The following RBM33 variants were observed in gnomAD, a reference collection of about 807,000 sequenced individuals.
RBM33 encodes the protein RNA-binding protein 33.
In RBM33, 28 loss-of-function variants were observed where a neutral mutation model predicts 132.6. The observed-to-expected ratio is 0.21, with a 90% CI of 0.16 to 0.29. The LOEUF is 0.29. Ranked by LOEUF, RBM33 falls within the 10% of genes least tolerant of loss-of-function variation. RBM33 has a pLI of 1.00. For synonymous variants in RBM33, 634 were observed against 593.0 expected (o/e 1.07, Z -1.01); for missense variants, 1,291 against 1,518.5 (o/e 0.85, Z 2.49).
chr7:155,742,028 A>G lies in RBM33; in HGVS notation c.2259A>G (p.Ser753=). 1 of 1,614,000 alleles carries G rather than the reference A, an allele frequency of 6.2e-7. No homozygotes were observed. Among genetic ancestry groups the G allele is most frequent in the Non-Finnish European group, 8.5e-7 (1 of 1,179,892 alleles). ...GGGCCGTGGCGGGTTCCAGAAGCTC[A>G]CAGGGAAAGACGGAAGTGAAAGTCA... ...PSRAVAGSRS[S]QGKTEVKVKP... Residue 753 remains serine (S), a synonymous_variant, in exon 13 of 18, where the codon TCA becomes TCG. Coordinates refer to ENST00000401878, the MANE Select transcript of RBM33 (RefSeq NM_053043.3).
At position 155,739,843 on chromosome 7, in the gene RBM33, A is replaced by T; in HGVS notation, c.1866A>T (p.Pro622=). 3.7e-6 allele frequency: 1 copy of T among 273,420 alleles called. No homozygotes were observed. Among genetic ancestry groups the T allele is most frequent in the South Asian group, 5.6e-5 (1 of 17,816 alleles). 16.9% of individuals were successfully genotyped at this position (273,420 alleles called of 1,614,324 possible). ...PHQPPPQHQP[P]PQHPPQHPPQ... ...AGCCCCCGCCCCAGCACCAGCCCCC[A>T]CCCCAGCACCCACCACAGCACCCGC... The change falls in exon 12 of 18, where the codon CCA becomes CCT. Residue 622 remains proline, a synonymous_variant. Transcript: ENST00000401878.
chr7:155,700,749 T>C, intron 5 of RBM33, 24 bp from the exon 6 acceptor site: 6 of 1,511,118 alleles, frequency 4.0e-6, no homozygotes, highest in Non-Finnish European at 5.3e-6. Context: ...TGTCCTTTTT[T>C]TGCCTTGTGT....
At chr7:155,747,698 T>C (rs1327648514) in intron 14 of RBM33, among the ~76,000 whole-genome samples, 1 of 152,260 alleles carries the variant, frequency 6.6e-6, no homozygotes, top group African/African-American at 2.4e-5. Flanking sequence ...GGAACAGCTC[T>C]TTATCTTTTA....
chr7:155,737,008 G>A (rs1801145238), intron 9 of RBM33, among the ~76,000 whole-genome samples: 1 of 152,144 alleles, frequency 6.6e-6, no homozygotes, highest in South Asian at 2.1e-4. Flanking sequence ...CTTGTGTAAG[G>A]ATATTTTGGT....
At chr7:155,692,999 A>G (rs1005069245) in intron 5 of RBM33, among the ~76,000 whole-genome samples, 1 of 152,206 alleles carries the variant, frequency 6.6e-6, no homozygotes, top group Non-Finnish European at 1.5e-5. Flanking sequence ...GTGATGCATT[A>G]AGTGTAAAGA....
chr7:155,768,449 T>C (rs1802294899), intron 16 of RBM33, among the ~76,000 whole-genome samples: 1 of 152,032 alleles, frequency 6.6e-6, no homozygotes, highest in African/African-American at 2.4e-5. Flanking sequence ...GAGCCACAAA[T>C]ATTTTTTATC....
At chr7:155,748,018 G>A (rs1801573217) in intron 14 of RBM33, among the ~76,000 whole-genome samples, 1 of 152,194 alleles carries the variant, frequency 6.6e-6, no homozygotes. Flanking sequence ...TGCATATGGG[G>A]GCTGTGGTCT....
chr7:155,654,508 C>T (rs1585398236), intron 1 of RBM33, among the ~76,000 whole-genome samples: 1 of 152,236 alleles, frequency 6.6e-6, no homozygotes, highest in East Asian at 1.9e-4. Context: ...CCTTTTCTTT[C>T]TGACTACTTC....
At chr7:155,710,115 T>A (rs62482826) in intron 7 of RBM33, among the ~76,000 whole-genome samples, 91,000 of 152,110 alleles carry the variant, frequency 0.6, 29,447 homozygotes, top group South Asian at 0.77. Context: ...TGTGGCATAG[T>A]AATGGATCAT....
chr7:155,711,265 G>A lies in RBM33; in HGVS notation c.1011G>A (p.Gln337=), dbSNP rs1219954174. The A allele has an allele frequency of 6.2e-6, 10 of 1,602,290 alleles. No individual in the cohort carries two copies. The highest frequency in any genetic ancestry group is 8.5e-6 in the Non-Finnish European group (10 of 1,175,118). The change falls in exon 8 of 18, where the codon CAG becomes CAA. Residue 337 remains glutamine (Q), a synonymous_variant. Coordinates refer to ENST00000401878, the MANE Select transcript of RBM33 (RefSeq NM_053043.3). ...AGCAGCCGATCAGAAGCCTGTTCCA[G>A]CCGCAGCCGCTGCAGCCGCTGCTTC... ...PQQQPIRSLF[Q]PQPLQPLLPV... is the part of the protein sequence containing the mutation.
At chr7:155,740,052 G>T (rs1475550463) in intron 12 of RBM33, 26 bp downstream of exon 12, 2 of 1,494,232 alleles carry the variant, frequency 1.3e-6, no homozygotes, top group Admixed American at 2.2e-5. Flanking sequence ...TGTCTTCCCT[G>T]TGTCTTCCTG....
intron 3 of RBM33, among the ~76,000 whole-genome samples, chr7:155,673,940 G>GTTGTTGTTTGTTTTTGTTTTTT: frequency 1.3e-4 from 7 of 54,214 alleles, no homozygotes; most frequent in Admixed American, 2.6e-4. Flanking sequence ...TTTAGGCTTA[G>GTTGTTGTTTGTTTTTGTTTTTT]TTTTTTTTTT....
chr7:155,740,096 T>A (rs567671895), intron 12 of RBM33, 70 bp downstream of exon 12: 2 of 1,446,414 alleles, frequency 1.4e-6, no homozygotes, highest in African/African-American at 2.9e-5. Flanking sequence ...TTGAGGGGCA[T>A]AATATGTAGG....
At chr7:155,751,107 T>C (rs2117046096) in intron 14 of RBM33, among the ~76,000 whole-genome samples, 1 of 152,330 alleles carries the variant, frequency 6.6e-6, no homozygotes, top group East Asian at 1.9e-4. Context: ...ATATACCTGA[T>C]CCGTTTTGTG....
chr7:155,771,370 A>G (rs1802420874), intron 16 of RBM33, among the ~76,000 whole-genome samples: 1 of 152,224 alleles, frequency 6.6e-6, no homozygotes, highest in Admixed American at 6.5e-5. Flanking sequence ...TTTTGTATCT[A>G]GAAAACAGGG....
chr7:155,727,608 AG>A (rs1563163268), intron 9 of RBM33, among the ~76,000 whole-genome samples: 2 of 152,280 alleles, frequency 1.3e-5, no homozygotes, highest in African/African-American at 4.8e-5. Context: ...GTTAACAGTC[AG>A]TGAGCAGCTT....
intron 1 of RBM33, among the ~76,000 whole-genome samples, chr7:155,658,008 A>G (rs372566080): frequency 6.1e-4 from 93 of 152,318 alleles, no homozygotes; most frequent in African/African-American, 2.2e-3. Context: ...TGAGTCCTCT[A>G]TATCCTTATT....
intron 16 of RBM33, among the ~76,000 whole-genome samples, chr7:155,768,720 G>T (rs71536009): frequency 6.6e-6 from 1 of 152,216 alleles, no homozygotes; most frequent in Non-Finnish European, 1.5e-5. Flanking sequence ...GGGTTCAAGC[G>T]ATTCTCCTGC....
At chr7:155,662,233 C>T (rs1299613588) in intron 1 of RBM33, among the ~76,000 whole-genome samples, 1 of 152,104 alleles carries the variant, frequency 6.6e-6, no homozygotes, top group African/African-American at 2.4e-5. Context: ...ATAAATTGAG[C>T]CCATCACATT....
Sources: gnomAD v4.1 joint callset for allele counts (sites outside exome capture counted in the v4.1 genomes callset) on GRCh38, gnomAD v4.1.1 for gene constraint, MANE v1.5 for transcripts, NCBI Gene and HGNC (gene_info 2026-07-23, HGNC 2026-07-21) for gene names.